TTC17: variants seen among roughly 807,000 people sequenced by gnomAD.
TTC17 encodes tetratricopeptide repeat protein 17.
In TTC17, 58 loss-of-function variants were observed where a neutral mutation model predicts 143.8. The ratio of observed to expected loss-of-function variants is 0.40; its 90% CI spans 0.33 to 0.50. The LOEUF (loss-of-function observed/expected upper bound fraction) is 0.50, where lower values mean the gene tolerates loss of function less well. TTC17 is among the 20% of genes least tolerant of loss of function. The pLI, the probability that TTC17 is intolerant of heterozygous loss-of-function variation, is 0.49. For synonymous variants in TTC17, 501 were observed against 497.8 expected (o/e 1.01, Z -0.09); for missense variants, 1,273 against 1,392.5 (o/e 0.91, Z 1.37).
rs1023935112 is a variant in TTC17 at position 43,361,005 on chromosome 11, G to T, written c.159+1892G>T. Among the ~76,000 whole-genome samples the T allele has an allele frequency of 2.0e-5, 3 of 152,160 alleles. No homozygotes were observed. In the East Asian group the frequency reaches 5.8e-4, roughly 29 times the overall value. The stretch of plus-strand genomic sequence containing the variant: ...GCAGCCACAAGATTTTATGCCAGAA[G>T]AAATAAGGTTGGTGTCTGCAGTGTA... On this transcript the variant is annotated intron_variant, in intron 1 of 23. Coordinates refer to ENST00000039989, the MANE Select transcript of TTC17 (RefSeq NM_018259.6).
chr11:43,440,284 A>T (rs922839090), intron 16 of TTC17, among the ~76,000 whole-genome samples: 1 of 152,170 alleles, frequency 6.6e-6, no homozygotes, highest in African/African-American at 2.4e-5. Flanking sequence ...ACATTGCTAG[A>T]TACAGCAACA....
chr11:43,404,983 A>C (rs1565148809), intron 11 of TTC17, among the ~76,000 whole-genome samples: 1 of 152,140 alleles, frequency 6.6e-6, no homozygotes, highest in Non-Finnish European at 1.5e-5. Context: ...CCTCAAATTA[A>C]ATACAAAGAA....
intron 1 of TTC17, among the ~76,000 whole-genome samples, chr11:43,360,081 T>C (rs1355021238): frequency 2.0e-5 from 3 of 152,186 alleles, no homozygotes; most frequent in Non-Finnish European, 4.4e-5. Flanking sequence ...TCTAAAACGT[T>C]TTAACTAGTG....
intron 16 of TTC17, among the ~76,000 whole-genome samples, chr11:43,421,333 A>G (rs1043118355): frequency 1.3e-5 from 2 of 152,294 alleles, no homozygotes; most frequent in Admixed American, 1.3e-4. Context: ...TGTGGTGGAG[A>G]TGTAGGAGAT....
chr11:43,367,712 GTC>G (rs1194614026), intron 1 of TTC17, among the ~76,000 whole-genome samples: 1 of 108,404 alleles, frequency 9.2e-6, no homozygotes, highest in Non-Finnish European at 1.9e-5. Context: ...CAAGGGGAAT[GTC>G]TGTGTGTGTG....
chr11:43,359,898 C>T (rs1856028521), intron 1 of TTC17, among the ~76,000 whole-genome samples: 1 of 152,200 alleles, frequency 6.6e-6, no homozygotes, highest in Non-Finnish European at 1.5e-5. Context: ...TCTTATATAA[C>T]TTTATGATTG....
rs1298804670 is a variant in TTC17 at position 43,430,705 on chromosome 11, A to ACACG, written c.2252-12616_2252-12613dup. Among the ~76,000 whole-genome samples the ACACG allele has an allele frequency of 2.3e-4, 24 of 103,808 alleles. No homozygotes were observed. In the South Asian group the frequency reaches 6.5e-3, roughly 28 times the overall value. 68.1% of individuals were successfully genotyped at this position (103,808 alleles called of 152,430 possible). ...ATACTGCCCCCAGCATCCCCTACAT[A>ACACG]CACGCACACACACACACACACACAC... On this transcript the variant is annotated intron_variant, in intron 16 of 23. Coordinates refer to ENST00000039989, the MANE Select transcript of TTC17 (RefSeq NM_018259.6).
At chr11:43,408,155 T>C (rs1362182381) in intron 15 of TTC17, among the ~76,000 whole-genome samples, 2 of 152,238 alleles carry the variant, frequency 1.3e-5, no homozygotes, top group African/African-American at 4.8e-5. Context: ...ATGTTATAAT[T>C]GCTGTCATTT....
intron 1 of TTC17, among the ~76,000 whole-genome samples, chr11:43,366,797 C>T (rs895148596): frequency 2.0e-5 from 3 of 152,130 alleles, no homozygotes; most frequent in Non-Finnish European, 2.9e-5. Flanking sequence ...GTACCCCACC[C>T]TAACCCTAGA....
At chr11:43,377,179 G>C (rs929881815) in intron 1 of TTC17, among the ~76,000 whole-genome samples, 17 of 152,096 alleles carry the variant, frequency 1.1e-4, no homozygotes, top group Admixed American at 9.2e-4. Context: ...TGTAATCCCA[G>C]CTACTCGGGA....
intron 16 of TTC17, among the ~76,000 whole-genome samples, chr11:43,437,560 C>T (rs186618404): frequency 0.012 from 1,783 of 152,256 alleles, 15 homozygotes; most frequent in Middle Eastern, 0.027. Context: ...ACTTAATCTT[C>T]CTGAGCCTTT....
intron 4 of TTC17, 102 bp downstream of exon 4, chr11:43,391,678 A>G (rs1275226650): frequency 1.1e-5 from 14 of 1,283,248 alleles, no homozygotes; most frequent in Non-Finnish European, 1.5e-5. Flanking sequence ...CTCCTTCCTG[A>G]CAGCTTTGTA....
chr11:43,471,856 CAAAG>C (rs1948098441), intron 21 of TTC17, among the ~76,000 whole-genome samples: 1 of 151,932 alleles, frequency 6.6e-6, no homozygotes, highest in South Asian at 2.1e-4. Context: ...TAAAAAGAGA[CAAAG>C]GAGGACAAAA....
intron 16 of TTC17, among the ~76,000 whole-genome samples, chr11:43,436,901 A>G (rs1045416827): frequency 1.3e-5 from 2 of 152,076 alleles, no homozygotes; most frequent in Non-Finnish European, 2.9e-5. Context: ...GCTTTCTTCT[A>G]TCCACACATC....
In TTC17 at chr11:43,455,755, A is replaced by C. The variant is rs1947750862; in HGVS notation, c.3030+4490A>C. Among the ~76,000 whole-genome samples, 3 of 152,146 alleles carry C rather than the reference A, an allele frequency of 2.0e-5. No individual in the cohort carries two copies. In the South Asian group the frequency reaches 6.2e-4, roughly 31 times the overall value. On this transcript the variant is annotated intron_variant, in intron 21 of 23. Coordinates refer to ENST00000039989, the MANE Select transcript of TTC17 (RefSeq NM_018259.6). The stretch of plus-strand genomic sequence containing the variant: ...GTTAATTCCAACCAAAAAGCACACT[A>C]GGCCCAGATACTTCACAGAGGACTT...
intron 21 of TTC17, among the ~76,000 whole-genome samples, chr11:43,462,672 G>C (rs549454413): frequency 6.6e-6 from 1 of 152,278 alleles, no homozygotes; most frequent in South Asian, 2.1e-4. Flanking sequence ...CTATAGGAAA[G>C]TAATATAGAT....
chr11:43,387,421 G>A (rs1014698764), intron 2 of TTC17, among the ~76,000 whole-genome samples: 1 of 151,358 alleles, frequency 6.6e-6, no homozygotes, highest in African/African-American at 2.4e-5. Flanking sequence ...ATGTGGCCAT[G>A]CCTTGAAGTC....
intron 1 of TTC17, among the ~76,000 whole-genome samples, chr11:43,371,147 AC>A (rs1437272527): frequency 2.0e-5 from 3 of 152,120 alleles, no homozygotes; most frequent in South Asian, 2.1e-4. Context: ...AATGGAAAAA[AC>A]ATCTCAGTTT....
Position 43,397,823 on chromosome 11 carries a change from T to A in TTC17, c.919-151T>A, listed in dbSNP as rs894823534. 3.5e-6 allele frequency: 4 copies of A among 1,145,930 alleles called. No homozygotes were observed. The African/African-American group carries it at 6.0e-5, about 17-fold the overall frequency. The allele number at this position is 1,145,930 out of a possible 1,614,324, so 71.0% of individuals were successfully genotyped here. A position where few individuals can be genotyped will look rare whatever the true frequency, so the allele number is the denominator to read the frequency against. On this transcript the variant is annotated intron_variant, in intron 7 of 23. Coordinates refer to ENST00000039989, the MANE Select transcript of TTC17 (RefSeq NM_018259.6). ...GATCAAAATAATGGTCACTGTAGAGTAAGAGGTAGGTGTGATCTCATAAAT... is the reference window on the plus strand; with the variant it reads ...GATCAAAATAATGGTCACTGTAGAGAAAGAGGTAGGTGTGATCTCATAAAT...
Sources: allele counts gnomAD v4.1 joint callset (sites outside exome capture counted in the v4.1 genomes callset), GRCh38; gene constraint gnomAD v4.1.1; transcripts MANE v1.5; gene names NCBI Gene and HGNC (gene_info 2026-07-23, HGNC 2026-07-21).